Variants in NMNAT2 observed in about 807,000 individuals in gnomAD.
NMNAT2 encodes the protein nicotinamide/nicotinic acid mononucleotide adenylyltransferase 2.
NMNAT2 carries 11 observed loss-of-function variants against 41.6 expected under a neutral mutation model. That is an observed-to-expected ratio of 0.26 (90% CI 0.17 to 0.44). NMNAT2 has a LOEUF of 0.44. Ranked by LOEUF, NMNAT2 falls within the 20% of genes least tolerant of loss-of-function variation. The pLI is 1.00. For synonymous variants in NMNAT2, 148 were observed against 151.2 expected, an observed-to-expected ratio of 0.98 and a Z score of 0.16; for missense variants, 288 against 407.7, an observed-to-expected ratio of 0.71 and a Z score of 2.53.
chr1:183,296,145 C>T (rs12092487), intron 1 of NMNAT2, among the ~76,000 whole-genome samples: 16,170 of 152,214 alleles, frequency 0.11, 944 homozygotes, highest in Middle Eastern at 0.14. Context: ...CCACCGCGCC[C>T]GGCCGGCAGC....
Position 183,284,027 on chromosome 1 carries a change from T to C in NMNAT2, c.542A>G (p.Asn181Ser). Reference sequence around the variant, plus strand: ...TTCATACCGCATCACCGTGCCCAGATTGGCATTCTCATCTAAGGAGGAAAG... The same window carrying C: ...TTCATACCGCATCACCGTGCCCAGACTGGCATTCTCATCTAAGGAGGAAAG... ...ERFTFVDENANLGTVMRYEEI... is the reference protein window; with the variant it reads ...ERFTFVDENASLGTVMRYEEI... The change falls in exon 7 of 11, where the codon AAT becomes AGT. Residue 181 changes from asparagine (N) to serine (S), a missense_variant. Coordinates refer to ENST00000287713, the MANE Select transcript of NMNAT2 (RefSeq NM_015039.4). 6.2e-7 allele frequency: 1 copy of C among 1,613,672 alleles called. No individual in the cohort carries two copies. Among genetic ancestry groups the C allele is most frequent in the Non-Finnish European group, 8.5e-7 (1 of 1,179,866 alleles).
At chr1:183,255,994 CT>C (rs1431663498) in intron 10 of NMNAT2, among the ~76,000 whole-genome samples, 5 of 152,054 alleles carry the variant, frequency 3.3e-5, no homozygotes, top group Non-Finnish European at 7.4e-5. Flanking sequence ...ACTTTCAGTA[CT>C]TTGCTGAATG....
intron 8 of NMNAT2, chr1:183,266,776 CA>C: frequency 4.7e-6 from 1 of 211,390 alleles, no homozygotes; most frequent in Admixed American, 5.1e-5. Flanking sequence ...ATCTCCAGGG[CA>C]AAAACTGCCT....
intron 2 of NMNAT2, 44 bp from the exon 3 acceptor site, chr1:183,292,901 C>T (rs1197638029): frequency 1.3e-6 from 2 of 1,586,844 alleles, no homozygotes; most frequent in East Asian, 2.2e-5. Flanking sequence ...CCTCCGTTCC[C>T]CACAACATCC....
intron 1 of NMNAT2, among the ~76,000 whole-genome samples, chr1:183,311,938 T>A (rs1227493362): frequency 6.6e-6 from 1 of 152,046 alleles, no homozygotes; most frequent in East Asian, 1.9e-4. Flanking sequence ...TCTCACCAGA[T>A]CTGATGGTAT....
intron 1 of NMNAT2, among the ~76,000 whole-genome samples, chr1:183,378,120 G>A (rs1022444719): frequency 6.6e-6 from 1 of 152,092 alleles, no homozygotes; most frequent in Admixed American, 6.6e-5. Context: ...GTCTGGGTGC[G>A]GTGGCTCACA....
intron 8 of NMNAT2, among the ~76,000 whole-genome samples, chr1:183,277,650 A>C (rs1661155560): frequency 6.6e-6 from 1 of 152,144 alleles, no homozygotes; most frequent in Non-Finnish European, 1.5e-5. Context: ...AGAGACACAT[A>C]AATGTACACG....
At chr1:183,373,017 C>T (rs766614838) in intron 1 of NMNAT2, among the ~76,000 whole-genome samples, 5 of 152,234 alleles carry the variant, frequency 3.3e-5, no homozygotes, top group Admixed American at 6.5e-5. Context: ...CCATCAAGTC[C>T]AGGCCCAGAT....
chr1:183,304,764 C>T (rs1661957833), intron 1 of NMNAT2: 3 of 1,613,730 alleles, frequency 1.9e-6, no homozygotes, highest in Non-Finnish European at 1.7e-6. Context: ...TTTGCAGCCA[C>T]TACTTGCAGC....
chr1:183,377,524 T>A (rs1362250335), intron 1 of NMNAT2, among the ~76,000 whole-genome samples: 1 of 152,170 alleles, frequency 6.6e-6, no homozygotes, highest in Admixed American at 6.6e-5. Flanking sequence ...GTTAAAGGAA[T>A]TGGAAGACTT....
At chr1:183,276,740 T>C (rs550462458) in intron 8 of NMNAT2, among the ~76,000 whole-genome samples, 1 of 152,386 alleles carries the variant, frequency 6.6e-6, no homozygotes, top group Non-Finnish European at 1.5e-5. Context: ...CCTGGATTCT[T>C]GAAAGAGCTT....
chr1:183,253,553 T>C (rs1012254066), intron 10 of NMNAT2, among the ~76,000 whole-genome samples: 1 of 152,190 alleles, frequency 6.6e-6, no homozygotes, highest in East Asian at 1.9e-4. Flanking sequence ...ACATATTTGC[T>C]ACTTTGTATC....
intron 1 of NMNAT2, among the ~76,000 whole-genome samples, chr1:183,379,155 T>A (rs1663746667): frequency 6.6e-6 from 1 of 151,652 alleles, no homozygotes; most frequent in Non-Finnish European, 1.5e-5. Flanking sequence ...TTTTAAAAGA[T>A]CCAATTTTAC....
At chr1:183,285,447 T>A (rs1243808702) in intron 5 of NMNAT2, among the ~76,000 whole-genome samples, 1 of 152,242 alleles carries the variant, frequency 6.6e-6, no homozygotes. Flanking sequence ...CCTATTTGGC[T>A]GAGAGGGATC....
chr1:183,266,511 T>C (rs1370475651), intron 8 of NMNAT2: 1 of 153,298 alleles, frequency 6.5e-6, no homozygotes, highest in Non-Finnish European at 1.5e-5. Context: ...TTGGCAAGAA[T>C]AGTCGCTTTA....
intron 1 of NMNAT2, among the ~76,000 whole-genome samples, chr1:183,391,008 C>T (rs145926497): frequency 6.5e-4 from 99 of 152,256 alleles, no homozygotes; most frequent in Non-Finnish European, 1.1e-3. Context: ...TAACACAAAC[C>T]TGACCAAGAA....
intron 10 of NMNAT2, among the ~76,000 whole-genome samples, chr1:183,255,622 T>A (rs537523228): frequency 5.3e-5 from 8 of 152,074 alleles, no homozygotes; most frequent in Middle Eastern, 3.4e-3. Flanking sequence ...TACTCCAGTG[T>A]ACAGATTTTT....
intron 1 of NMNAT2, among the ~76,000 whole-genome samples, chr1:183,356,021 G>A (rs1663177356): frequency 6.6e-6 from 1 of 152,192 alleles, no homozygotes; most frequent in South Asian, 2.1e-4. Context: ...CTCCGGAGGT[G>A]GGGCATCTGT....
intron 8 of NMNAT2, among the ~76,000 whole-genome samples, chr1:183,269,463 C>T (rs990283797): frequency 6.6e-6 from 1 of 152,244 alleles, no homozygotes; most frequent in South Asian, 2.1e-4. Flanking sequence ...CAGGGCCATC[C>T]TGAGATCAGC....
Sources: gnomAD v4.1 joint callset for allele counts (sites outside exome capture counted in the v4.1 genomes callset) on GRCh38, gnomAD v4.1.1 for gene constraint, MANE v1.5 for transcripts, NCBI Gene and HGNC (gene_info 2026-07-23, HGNC 2026-07-21) for gene names.